The following SUPT3H variants were observed in gnomAD, a reference collection of about 807,000 sequenced individuals.
SUPT3H encodes SPT3 homolog, SAGA and STAGA complex component, also known as transcription initiation protein SPT3 homolog.
A neutral mutation model predicts 44.3 loss-of-function variants in SUPT3H; 44 were observed. The observed-to-expected ratio is 0.99, with a 90% CI of 0.78 to 1.28. SUPT3H has a LOEUF of 1.28. Ranked by LOEUF, SUPT3H falls within the 50% of genes most tolerant of loss-of-function variation. SUPT3H has a pLI of 0.00. For missense variants in SUPT3H, 380 were observed against 387.1 expected (o/e 0.98, Z 0.15); for synonymous variants, 124 against 125.6 (o/e 0.99, Z 0.09).
intron 2 of SUPT3H, among the ~76,000 whole-genome samples, chr6:45,335,343 T>G (rs1332804584): frequency 6.6e-6 from 1 of 151,242 alleles, no homozygotes; most frequent in Non-Finnish European, 1.5e-5. Flanking sequence ...ATCATGACAT[T>G]TATTTTACTA....
chr6:44,980,573 C>T (rs573629053), intron 6 of SUPT3H, among the ~76,000 whole-genome samples: 1 of 152,080 alleles, frequency 6.6e-6, no homozygotes, highest in South Asian at 2.1e-4. Context: ...TGTTAAAATA[C>T]CCAGCTACAA....
At chr6:45,124,689 CAAT>C (rs1802168112) in intron 2 of SUPT3H, among the ~76,000 whole-genome samples, 1 of 149,824 alleles carries the variant, frequency 6.7e-6, no homozygotes, top group Admixed American at 6.7e-5. Context: ...TACAGCTTAC[CAAT>C]TTTTAAAATA....
At chr6:44,970,864 A>G (rs1014724663) in intron 6 of SUPT3H, among the ~76,000 whole-genome samples, 1 of 152,240 alleles carries the variant, frequency 6.6e-6, no homozygotes, top group African/African-American at 2.4e-5. Flanking sequence ...TTAGAACTGC[A>G]GATCTTTCCA....
intron 1 of SUPT3H, among the ~76,000 whole-genome samples, chr6:45,374,206 A>G (rs967983453): frequency 6.6e-6 from 1 of 152,208 alleles, no homozygotes; most frequent in African/African-American, 2.4e-5. Context: ...GGCAAAAGCT[A>G]GGTTTACAGA....
chr6:45,046,675 T>C (rs1433792610), intron 3 of SUPT3H, among the ~76,000 whole-genome samples: 2 of 152,230 alleles, frequency 1.3e-5, no homozygotes, highest in Non-Finnish European at 2.9e-5. Context: ...AAAACAAACA[T>C]CTAACTGTTC....
At chr6:45,310,266 C>T (rs1033823849) in intron 2 of SUPT3H, among the ~76,000 whole-genome samples, 44 of 152,192 alleles carry the variant, frequency 2.9e-4, no homozygotes, top group South Asian at 1.7e-3. Flanking sequence ...CCCACAGTAG[C>T]CACAGCAAGA....
intron 3 of SUPT3H, among the ~76,000 whole-genome samples, chr6:45,063,259 T>C (rs1384950928): frequency 2.7e-5 from 4 of 145,530 alleles, no homozygotes; most frequent in Non-Finnish European, 4.5e-5. Flanking sequence ...TCCTGTCTGT[T>C]AGAAGGAAAA....
intron 10 of SUPT3H, among the ~76,000 whole-genome samples, chr6:44,908,672 G>A (rs1766511460): frequency 6.6e-6 from 1 of 152,034 alleles, no homozygotes; most frequent in East Asian, 1.9e-4. Context: ...TTACACCCCA[G>A]AAAGTCTTCA....
chr6:45,053,063 C>G (rs1790554232), intron 3 of SUPT3H, among the ~76,000 whole-genome samples: 1 of 152,070 alleles, frequency 6.6e-6, no homozygotes, highest in Admixed American at 6.6e-5. Context: ...GAGACAGAGT[C>G]TTACTCTGAT....
chr6:44,837,126 A>C (rs1353660604), intron 10 of SUPT3H, among the ~76,000 whole-genome samples: 4 of 152,170 alleles, frequency 2.6e-5, no homozygotes, highest in Admixed American at 6.6e-5. Flanking sequence ...TCAAGGTCTT[A>C]GACAATACTG....
At chr6:45,120,551 C>G (rs1801512910) in intron 2 of SUPT3H, among the ~76,000 whole-genome samples, 1 of 150,616 alleles carries the variant, frequency 6.6e-6, no homozygotes, top group Admixed American at 6.6e-5. Flanking sequence ...TGCAGAAATG[C>G]AAACCAATAT....
intron 2 of SUPT3H, among the ~76,000 whole-genome samples, chr6:45,156,318 T>C (rs1318375383): frequency 6.6e-6 from 1 of 152,156 alleles, no homozygotes; most frequent in Admixed American, 6.6e-5. Flanking sequence ...GCTTTCAGTC[T>C]CCTAAGGTCA....
intron 3 of SUPT3H, among the ~76,000 whole-genome samples, chr6:45,031,255 T>C (rs1031579356): frequency 2.7e-4 from 41 of 152,318 alleles, no homozygotes; most frequent in Middle Eastern, 3.4e-3. Context: ...TTATTAAGTA[T>C]TAATGACATT....
At chr6:45,099,470 A>T (rs1798252168) in intron 3 of SUPT3H, among the ~76,000 whole-genome samples, 1 of 152,190 alleles carries the variant, frequency 6.6e-6, no homozygotes, top group Non-Finnish European at 1.5e-5. Flanking sequence ...CAATAAATAC[A>T]TGTTGAATCC....
intron 10 of SUPT3H, among the ~76,000 whole-genome samples, chr6:44,912,369 A>G (rs1767185312): frequency 6.6e-6 from 1 of 152,172 alleles, no homozygotes; most frequent in South Asian, 2.1e-4. Context: ...CACTTAGCAT[A>G]ATATTTTCAA....
intron 3 of SUPT3H, among the ~76,000 whole-genome samples, chr6:45,025,285 T>C (rs1244425731): frequency 6.6e-5 from 10 of 152,222 alleles, no homozygotes; most frequent in Admixed American, 5.9e-4. Flanking sequence ...CTAACGTAGA[T>C]AGAAAACTTA....
intron 3 of SUPT3H, among the ~76,000 whole-genome samples, chr6:45,052,799 G>A (rs574507292): frequency 1.7e-3 from 255 of 152,276 alleles, no homozygotes; most frequent in Non-Finnish European, 3.1e-3. Context: ...ACCTTAGGTA[G>A]ATCATAGTTT....
intron 2 of SUPT3H, among the ~76,000 whole-genome samples, chr6:45,125,180 C>T (rs1802252252): frequency 6.6e-6 from 1 of 152,048 alleles, no homozygotes; most frequent in Admixed American, 6.6e-5. Flanking sequence ...TTATAGAAGC[C>T]CTAGGAAACA....
chr6:45,197,683 T>A, intron 2 of SUPT3H: 1 of 318,178 alleles, frequency 3.1e-6, no homozygotes, highest in Non-Finnish European at 6.4e-6. Context: ...AATAAGAAGA[T>A]AAAGAGTGAA....
Sources: allele counts gnomAD v4.1 joint callset (sites outside exome capture counted in the v4.1 genomes callset), GRCh38; gene constraint gnomAD v4.1.1; transcripts MANE v1.5; gene names NCBI Gene and HGNC (gene_info 2026-07-23, HGNC 2026-07-21).